The following FAT3 variants were observed in gnomAD, a reference collection of about 807,000 sequenced individuals.
FAT3 encodes the protein protocadherin Fat 3.
A neutral mutation model predicts 310.2 loss-of-function variants in FAT3; 95 were observed. The ratio of observed to expected loss-of-function variants is 0.31; its 90% CI spans 0.26 to 0.36. The LOEUF is 0.36. FAT3 is among the 10% of genes least tolerant of loss of function. FAT3 has a pLI of 1.00. For missense variants in FAT3, 5,408 were observed against 5,715.6 expected (o/e 0.95, Z 1.74); for synonymous variants, 2,314 against 2,192.9 (o/e 1.06, Z -1.54).
chr11:92,781,877 G>T (rs1946763573), intron 7 of FAT3, among the ~76,000 whole-genome samples: 1 of 152,120 alleles, frequency 6.6e-6, no homozygotes, highest in Admixed American at 6.6e-5. Context: ...TATGTGTATG[G>T]CTATTATTGT....
intron 2 of FAT3, among the ~76,000 whole-genome samples, chr11:92,444,225 G>A (rs1255130154): frequency 6.6e-6 from 1 of 152,088 alleles, no homozygotes; most frequent in African/African-American, 2.4e-5. Context: ...GTCATTTCCA[G>A]TTTTCCCTTC....
chr11:92,847,750 C>A (rs1440156793), intron 19 of FAT3, among the ~76,000 whole-genome samples: 1 of 152,196 alleles, frequency 6.6e-6, no homozygotes, highest in Non-Finnish European at 1.5e-5. Flanking sequence ...CCTCCAGGGG[C>A]AGGAGCAGGC....
At chr11:92,600,776 A>C (rs1939980477) in intron 3 of FAT3, among the ~76,000 whole-genome samples, 1 of 152,216 alleles carries the variant, frequency 6.6e-6, no homozygotes, top group Admixed American at 6.5e-5. Flanking sequence ...AAAATAAGAC[A>C]GAAAAGTAGG....
At chr11:92,871,623 T>C (rs1446127370) in intron 22 of FAT3, among the ~76,000 whole-genome samples, 3 of 152,218 alleles carry the variant, frequency 2.0e-5, no homozygotes, top group Non-Finnish European at 4.4e-5. Flanking sequence ...TGCTATTTAC[T>C]TGCCTCCAGT....
intron 22 of FAT3, among the ~76,000 whole-genome samples, chr11:92,874,360 T>G (rs1305639954): frequency 6.6e-6 from 1 of 152,172 alleles, no homozygotes; most frequent in Non-Finnish European, 1.5e-5. Context: ...CAGAAGGAGT[T>G]TCTAAAATTG....
At position 92,891,270 on chromosome 11, in the gene FAT3, A is replaced by C; in HGVS notation, c.*157A>C. On this transcript the variant is annotated 3_prime_UTR_variant, in exon 28 of 28. Coordinates refer to ENST00000525166, the MANE Select transcript of FAT3 (RefSeq NM_001367949.2). Reference sequence around the variant, plus strand: ...CACAAGTCATACTGTCCCAACAAGCAAGCTTGATTCCAGTTGGGTGAAAAT... The same window carrying C: ...CACAAGTCATACTGTCCCAACAAGCCAGCTTGATTCCAGTTGGGTGAAAAT... The C allele has an allele frequency of 4.9e-6, 5 of 1,026,694 alleles. No homozygotes were observed. Among genetic ancestry groups the C allele is most frequent in the Non-Finnish European group, 6.9e-6 (5 of 723,542 alleles). The allele number at this position is 1,026,694 out of a possible 1,614,324, so 63.6% of individuals were successfully genotyped here. A position where few individuals can be genotyped will look rare whatever the true frequency, so the allele number is the denominator to read the frequency against.
At chr11:92,566,874 A>G (rs1378084394) in intron 3 of FAT3, among the ~76,000 whole-genome samples, 1 of 152,230 alleles carries the variant, frequency 6.6e-6, no homozygotes, top group African/African-American at 2.4e-5. Context: ...CACACCTTAT[A>G]CAAAAATCAA....
In FAT3 at chr11:92,606,311, C is replaced by T. The variant is rs1327789054; in HGVS notation, c.3607+81363C>T. ...GTTGTCATTTGGCATGAAGCCACAC[C>T]ATCCCTTCCAGGTTGTTGGTTTGCA... On this transcript the variant is annotated intron_variant, in intron 3 of 27. Transcript: ENST00000525166. 3.3e-5 allele frequency among the ~76,000 whole-genome samples: 5 copies of T among 152,272 alleles called. No individual in the cohort carries two copies. The East Asian group carries it at 9.7e-4, about 30-fold the overall frequency.
intron 1 of FAT3, among the ~76,000 whole-genome samples, chr11:92,348,991 A>G (rs1948488996): frequency 1.3e-5 from 2 of 152,150 alleles, no homozygotes; most frequent in African/African-American, 2.4e-5. Context: ...TGTACTTCCC[A>G]TCAGGTTTCC....
intron 2 of FAT3, among the ~76,000 whole-genome samples, chr11:92,481,108 T>A (rs1952212536): frequency 6.6e-6 from 1 of 152,216 alleles, no homozygotes; most frequent in South Asian, 2.1e-4. Context: ...ATAATCATTG[T>A]GTTAATTCAG....
At chr11:92,843,697 C>A (rs181326309) in intron 18 of FAT3, among the ~76,000 whole-genome samples, 1 of 152,128 alleles carries the variant, frequency 6.6e-6, no homozygotes, top group Admixed American at 6.5e-5. Context: ...TCACCCCAGC[C>A]GGCTTTATTG....
chr11:92,856,204 C>T (rs1273809646), intron 19 of FAT3, among the ~76,000 whole-genome samples: 1 of 152,060 alleles, frequency 6.6e-6, no homozygotes, highest in African/African-American at 2.4e-5. Context: ...TGATCATGGG[C>T]CAGATCTGGC....
At chr11:92,737,662 A>T (rs187137116) in intron 4 of FAT3, among the ~76,000 whole-genome samples, 2 of 152,290 alleles carry the variant, frequency 1.3e-5, no homozygotes, top group African/African-American at 4.8e-5. Flanking sequence ...ATTTTTACAT[A>T]GAATTACTAA....
chr11:92,278,930 A>G (rs772759105), intron 1 of FAT3, among the ~76,000 whole-genome samples: 13 of 152,092 alleles, frequency 8.5e-5, no homozygotes, highest in Non-Finnish European at 1.6e-4. Context: ...AGTTTACAGC[A>G]TGAGTGGCTT....
intron 2 of FAT3, among the ~76,000 whole-genome samples, chr11:92,482,579 A>G (rs1403856146): frequency 6.6e-6 from 1 of 152,192 alleles, no homozygotes; most frequent in African/African-American, 2.4e-5. Context: ...TCCTGGCCCC[A>G]TCACATGCCA....
intron 4 of FAT3, among the ~76,000 whole-genome samples, 184 bp from the exon 5 acceptor site, chr11:92,761,672 A>G (rs574725112): frequency 6.6e-6 from 1 of 152,212 alleles, no homozygotes; most frequent in African/African-American, 2.4e-5. Context: ...TAGAGCATCA[A>G]TATATGAATT....
At chr11:92,847,070 C>A (rs992133058) in intron 19 of FAT3, among the ~76,000 whole-genome samples, 5 of 152,196 alleles carry the variant, frequency 3.3e-5, no homozygotes. Context: ...TTATTATCTG[C>A]ATCTTAAGAA....
intron 8 of FAT3, among the ~76,000 whole-genome samples, chr11:92,791,962 T>C (rs1947051719): frequency 6.6e-6 from 1 of 152,216 alleles, no homozygotes; most frequent in Non-Finnish European, 1.5e-5. Context: ...ATTTAACATT[T>C]CTCTAAGTAA....
rs192574074 is a variant in FAT3 at position 92,254,811 on chromosome 11, T to G, written c.-18+29637T>G. Among the ~76,000 whole-genome samples the G allele has an allele frequency of 3.0e-3, 450 of 152,192 alleles. 1 individual carries two copies. Among genetic ancestry groups the G allele is most frequent in the African/African-American group, 0.01 (418 of 41,532 alleles). On this transcript the variant is annotated intron_variant, in intron 1 of 27. Transcript: ENST00000525166. ...ACCTCCCCCTCCCAGGTTGAAGAGT[T>G]TCTCCTGCCTCAGCCTCCCGAGTAG...
Sources: allele counts gnomAD v4.1 joint callset (sites outside exome capture counted in the v4.1 genomes callset), GRCh38; gene constraint gnomAD v4.1.1; transcripts MANE v1.5; gene names NCBI Gene and HGNC (gene_info 2026-07-23, HGNC 2026-07-21).